NRG3: variants seen among roughly 807,000 people sequenced by gnomAD.
NRG3 encodes the protein pro-neuregulin-3, membrane-bound isoform.
NRG3 carries 31 observed loss-of-function variants against 66.9 expected under a neutral mutation model. That is an observed-to-expected ratio of 0.46 (90% CI 0.35 to 0.63). The LOEUF (loss-of-function observed/expected upper bound fraction) is 0.63. Among genes scored for constraint, NRG3 ranks in the 20% least tolerant of loss-of-function variants. NRG3 has a pLI of 0.00. For synonymous variants in NRG3, 393 were observed against 359.4 expected, an observed-to-expected ratio of 1.09 and a Z score of -1.06; for missense variants, 910 against 878.9, an observed-to-expected ratio of 1.04 and a Z score of -0.45.
At chr10:81,978,304 C>G (rs2060200526) in intron 1 of NRG3, among the ~76,000 whole-genome samples, 1 of 152,136 alleles carries the variant, frequency 6.6e-6, no homozygotes, top group African/African-American at 2.4e-5. Context: ...AGTTAATTAT[C>G]CATAAATTCC....
At chr10:82,636,337 C>G (rs1391395685) in intron 2 of NRG3, among the ~76,000 whole-genome samples, 1 of 151,870 alleles carries the variant, frequency 6.6e-6, no homozygotes, top group Admixed American at 6.6e-5. Context: ...TAATGACACT[C>G]CACATCTTGG....
chr10:82,767,207 T>C (rs1044614399), intron 3 of NRG3, among the ~76,000 whole-genome samples: 16 of 152,132 alleles, frequency 1.1e-4, no homozygotes, highest in South Asian at 2.1e-4. Context: ...TATTTCACCT[T>C]GTCTCCTGGA....
chr10:82,921,559 T>C (rs1218641191), intron 4 of NRG3, among the ~76,000 whole-genome samples: 3 of 152,188 alleles, frequency 2.0e-5, no homozygotes, highest in African/African-American at 7.2e-5. Flanking sequence ...TTCTCTACTA[T>C]CTTCACAATA....
chr10:82,000,504 A>G (rs1054241696), intron 1 of NRG3, among the ~76,000 whole-genome samples: 3 of 152,166 alleles, frequency 2.0e-5, no homozygotes, highest in Non-Finnish European at 4.4e-5. Context: ...AAGCAGGGTC[A>G]TGTATCACCC....
Position 82,372,963 on chromosome 10 carries a change from C to T in NRG3, c.953+14095C>T, listed in dbSNP as rs1294187966. Among the ~76,000 whole-genome samples the T allele has an allele frequency of 3.9e-5, 6 of 152,306 alleles. No homozygotes were observed. The Middle Eastern group carries it at 0.01, about 259-fold the overall frequency. On this transcript the variant is annotated intron_variant, in intron 2 of 8. Coordinates refer to ENST00000372141, the MANE Select transcript of NRG3 (RefSeq NM_001010848.4). The stretch of plus-strand genomic sequence containing the variant: ...ATTTTCCTAAAGAATTAAACATATC[C>T]ACTTAAGGATGCGTTGACCACTGAT...
chr10:81,976,753 A>G (rs1254066834), intron 1 of NRG3, among the ~76,000 whole-genome samples: 3 of 152,188 alleles, frequency 2.0e-5, no homozygotes, highest in Non-Finnish European at 4.4e-5. Flanking sequence ...TCTACACACA[A>G]TTATTTCTTT....
chr10:82,273,850 C>A (rs1006674937), intron 1 of NRG3, among the ~76,000 whole-genome samples: 1 of 151,906 alleles, frequency 6.6e-6, no homozygotes, highest in African/African-American at 2.4e-5. Context: ...TGATGATATT[C>A]TTTCATTTCC....
chr10:82,982,515 T>C (rs1853033248), intron 8 of NRG3, among the ~76,000 whole-genome samples: 1 of 152,150 alleles, frequency 6.6e-6, no homozygotes, highest in African/African-American at 2.4e-5. Flanking sequence ...AGCTCTCACT[T>C]AAACTTCTGC....
chr10:82,716,687 A>G (rs1333914583), intron 2 of NRG3, among the ~76,000 whole-genome samples: 2 of 152,228 alleles, frequency 1.3e-5, no homozygotes, highest in South Asian at 2.1e-4. Context: ...GGTGTTAGGA[A>G]GAAATCACAG....
At chr10:82,721,123 C>T (rs1173436759) in intron 2 of NRG3, among the ~76,000 whole-genome samples, 4 of 47,866 alleles carry the variant, frequency 8.4e-5, no homozygotes, top group Non-Finnish European at 1.1e-4. Context: ...GAGTTTCACC[C>T]TTTTTTTTTT....
intron 1 of NRG3, among the ~76,000 whole-genome samples, chr10:82,073,466 G>C (rs1449681719): frequency 6.6e-6 from 1 of 152,088 alleles, no homozygotes; most frequent in Non-Finnish European, 1.5e-5. Flanking sequence ...TTGACATTCT[G>C]TATATAAAAT....
chr10:82,295,812 C>A (rs986245232), intron 1 of NRG3, among the ~76,000 whole-genome samples: 1 of 151,898 alleles, frequency 6.6e-6, no homozygotes, highest in Non-Finnish European at 1.5e-5. Flanking sequence ...TATTCATTTT[C>A]TTCTGAATTT....
intron 1 of NRG3, among the ~76,000 whole-genome samples, chr10:81,993,930 AT>A (rs1202096232): frequency 6.6e-6 from 1 of 152,180 alleles, no homozygotes; most frequent in African/African-American, 2.4e-5. Flanking sequence ...TAGTGTGAAG[AT>A]TTCCCCAGTG....
At chr10:82,252,451 A>C (rs1411213306) in intron 1 of NRG3, among the ~76,000 whole-genome samples, 1 of 152,184 alleles carries the variant, frequency 6.6e-6, no homozygotes, top group Non-Finnish European at 1.5e-5. Flanking sequence ...GTTCAGTTCT[A>C]TGCTAGGTAC....
At chr10:81,935,262 A>G (rs1564670859) in intron 1 of NRG3, among the ~76,000 whole-genome samples, 1 of 152,202 alleles carries the variant, frequency 6.6e-6, no homozygotes, top group Non-Finnish European at 1.5e-5. Flanking sequence ...TTGTTTGGCA[A>G]GATATTCATG....
chr10:82,884,332 AC>A (rs1842551602), intron 4 of NRG3, among the ~76,000 whole-genome samples: 2 of 152,112 alleles, frequency 1.3e-5, no homozygotes, highest in Non-Finnish European at 2.9e-5. Context: ...TATTGTTCTA[AC>A]TTTCGTCATC....
intron 2 of NRG3, among the ~76,000 whole-genome samples, chr10:82,540,666 G>A (rs2043483221): frequency 6.6e-6 from 1 of 152,140 alleles, no homozygotes; most frequent in Admixed American, 6.6e-5. Context: ...AGATGGAAAA[G>A]TGATGGAGGG....
At chr10:82,936,645 T>C (rs944387727) in intron 4 of NRG3, among the ~76,000 whole-genome samples, 1 of 152,212 alleles carries the variant, frequency 6.6e-6, no homozygotes, top group African/African-American at 2.4e-5. Context: ...TGTGAGGTAA[T>C]GTGTTTGTTA....
intron 3 of NRG3, among the ~76,000 whole-genome samples, chr10:82,834,651 T>C (rs560380200): frequency 6.6e-6 from 1 of 152,312 alleles, no homozygotes; most frequent in South Asian, 2.1e-4. Context: ...CATCAACCAC[T>C]CAAGGTGCTG....
Sources: gnomAD v4.1 joint callset for allele counts (sites outside exome capture counted in the v4.1 genomes callset) on GRCh38, gnomAD v4.1.1 for gene constraint, MANE v1.5 for transcripts, NCBI Gene and HGNC (gene_info 2026-07-23, HGNC 2026-07-21) for gene names.